The following YIPF6 variants were observed in gnomAD, a reference collection of about 807,000 sequenced individuals.
YIPF6 encodes the protein Yip1 domain family member 6, also known as protein YIPF6.
YIPF6 carries 3 observed loss-of-function variants against 16.8 expected under a neutral mutation model. The ratio of observed to expected loss-of-function variants is 0.18; its 90% CI spans 0.08 to 0.46. The LOEUF is 0.46. Ranked by LOEUF, YIPF6 falls within the 20% of genes least tolerant of loss-of-function variation. The probability of loss-of-function intolerance (pLI) is 0.98; values close to 1 mark genes in which losing one functional copy is unlikely to be tolerated. For missense variants in YIPF6, 145 were observed against 184.9 expected (o/e 0.78, Z 1.25); for synonymous variants, 67 against 61.9 (o/e 1.08, Z -0.38).
At chrX:68,520,654 A>G (rs1191386936) in intron 4 of YIPF6, among the ~76,000 whole-genome samples, 1 of 110,958 alleles carries the variant, frequency 9.0e-6, no homozygotes, top group African/African-American at 3.3e-5. Flanking sequence ...TATTTTTTGT[A>G]GAGACGGGGG....
chrX:68,514,997 A>T (rs1201772200), intron 3 of YIPF6: 2 of 111,232 alleles, frequency 1.8e-5, no homozygotes, highest in African/African-American at 6.5e-5. Context: ...TTTTGTAGAG[A>T]TGGGGGTCTC....
intron 1 of YIPF6, among the ~76,000 whole-genome samples, chrX:68,508,067 G>T (rs1171585528): frequency 1.9e-5 from 2 of 107,378 alleles, no homozygotes; most frequent in African/African-American, 6.7e-5. Context: ...CTCTTGGCTT[G>T]TATCTGTCAT....
intron 1 of YIPF6, among the ~76,000 whole-genome samples, chrX:68,501,106 CA>C (rs1025367787): frequency 8.9e-6 from 1 of 112,117 alleles, no homozygotes; most frequent in African/African-American, 3.2e-5. Context: ...TGAACTCCCA[CA>C]ATGAGTAATG....
intron 1 of YIPF6, chrX:68,510,863 C>T (rs1214185547): frequency 8.9e-6 from 1 of 112,403 alleles, no homozygotes; most frequent in African/African-American, 3.2e-5. Context: ...AAACTCCCGA[C>T]CTCAGGTGAT....
intron 6 of YIPF6, among the ~76,000 whole-genome samples, chrX:68,523,995 C>T (rs752572821): frequency 2.1e-4 from 24 of 112,010 alleles, no homozygotes; most frequent in Non-Finnish European, 9.4e-5. Flanking sequence ...ACAAACTATG[C>T]GTCAGGCATA....
intron 6 of YIPF6, among the ~76,000 whole-genome samples, chrX:68,524,441 T>A (rs1178007188): frequency 1.8e-5 from 2 of 110,309 alleles, no homozygotes; most frequent in Non-Finnish European, 3.8e-5. Context: ...AGTGCTGGGA[T>A]TACAGACATG....
intron 6 of YIPF6, among the ~76,000 whole-genome samples, chrX:68,530,998 C>T (rs1040166779): frequency 9.0e-6 from 1 of 111,100 alleles, no homozygotes; most frequent in Non-Finnish European, 1.9e-5. Context: ...ATGGTGCAAC[C>T]GTAACATATT....
chrX:68,512,716 T>C lies in YIPF6; in HGVS notation c.187-611T>C, dbSNP rs1474350848. The stretch of plus-strand genomic sequence containing the variant: ...CTAAGCAACTATTATAAATTATGTT[T>C]ACAAAGTGTTTAATAACGGGTAAAA... On this transcript the variant is annotated intron_variant, in intron 2 of 6. Transcript: ENST00000462683. Among the ~76,000 whole-genome samples the C allele has an allele frequency of 8.1e-5, 9 of 111,565 alleles. No individual in the cohort carries two copies. In the East Asian group the frequency reaches 2.5e-3, roughly 31 times the overall value.
rs1381676643 is a variant in YIPF6 at position 68,518,932 on chromosome X, C to A, written c.308+120C>A. 3 of 652,057 alleles carry A rather than the reference C, an allele frequency of 4.6e-6. No homozygotes were observed. The East Asian group carries it at 1.1e-4, about 25-fold the overall frequency. The allele number at this position is 652,057 out of a possible 1,213,427, so 53.7% of individuals were successfully genotyped here. The stretch of plus-strand genomic sequence containing the variant: ...TTTAGGACTTATATGACATGTTGTA[C>A]ATGTTATACTCCTTAGGTATTTAAG... On this transcript the variant is annotated intron_variant, in intron 4 of 6. Transcript: ENST00000462683.
intron 1 of YIPF6, among the ~76,000 whole-genome samples, chrX:68,508,662 A>C (rs765366595): frequency 2.7e-5 from 3 of 112,238 alleles, no homozygotes; most frequent in Non-Finnish European, 5.6e-5. Flanking sequence ...TAGCATTGCC[A>C]TCTGATTCTT....
intron 3 of YIPF6, among the ~76,000 whole-genome samples, chrX:68,517,774 C>T (rs1288816682): frequency 1.9e-5 from 2 of 106,032 alleles, no homozygotes; most frequent in East Asian, 6.2e-4. Flanking sequence ...TTGAGACCAG[C>T]CTGGGCAACA....
chrX:68,536,661 A>C lies in YIPF6; in HGVS notation c.*4662A>C, dbSNP rs1482021132. On this transcript the variant is annotated 3_prime_UTR_variant, in exon 7 of 7. Coordinates refer to ENST00000462683, the MANE Select transcript of YIPF6 (RefSeq NM_173834.4). ...CCCTAGAACTGACTGGATGTAGATA[A>C]CATTTGTTTTCAGAGTAATGGAACA... The C allele has an allele frequency of 8.9e-6, 1 of 111,783 alleles. No individual in the cohort carries two copies. Among genetic ancestry groups the C allele is most frequent in the East Asian group, 2.8e-4 (1 of 3,548 alleles). The allele number at this position is 111,783 out of a possible 1,213,427, so 9.2% of individuals were successfully genotyped here.
At chrX:68,531,666 A>G (rs2079171879) in intron 6 of YIPF6, among the ~76,000 whole-genome samples, 1 of 111,964 alleles carries the variant, frequency 8.9e-6, no homozygotes, top group Non-Finnish European at 1.9e-5. Flanking sequence ...TCCATCCAAA[A>G]TGGTTTAGTA....
At chrX:68,504,007 C>T (rs903724660) in intron 1 of YIPF6, among the ~76,000 whole-genome samples, 7 of 112,479 alleles carry the variant, frequency 6.2e-5, no homozygotes, top group East Asian at 2.8e-4. Context: ...GCGTGAGCCA[C>T]GGCACCTGGC....
rs2079186504 is a variant in YIPF6 at position 68,535,101 on chromosome X, A to AAAGTCTTTTGCCTCTG, written c.*3106_*3121dup. 1 of 112,594 alleles carries AAAGTCTTTTGCCTCTG rather than the reference A, an allele frequency of 8.9e-6. No individual in the cohort carries two copies. Among genetic ancestry groups the AAAGTCTTTTGCCTCTG allele is most frequent in the African/African-American group, 3.2e-5 (1 of 31,003 alleles). The allele number at this position is 112,594 out of a possible 1,213,427, so 9.3% of individuals were successfully genotyped here. On this transcript the variant is annotated 3_prime_UTR_variant, in exon 7 of 7. Transcript: ENST00000462683. The stretch of plus-strand genomic sequence containing the variant: ...GTTAATCATTAAGTCTTTTGCCTCT[A>AAAGTCTTTTGCCTCTG]AAGTCTTTTGCCTCTGAAGAGGTTT...
intron 1 of YIPF6, among the ~76,000 whole-genome samples, chrX:68,504,420 C>T (rs1261774540): frequency 9.0e-6 from 1 of 111,436 alleles, no homozygotes; most frequent in Non-Finnish European, 1.9e-5. Flanking sequence ...GTCATATGTG[C>T]GGTGTTTCTG....
In YIPF6 at chrX:68,534,396, G is replaced by A. The variant is rs753378176; in HGVS notation, c.*2397G>A. ...TATACATGATGTTAACATCATTCTC[G>A]AACAGTTGTTGGCCGAAGATTCATT... is the stretch of plus-strand genomic sequence containing the variant. On this transcript the variant is annotated 3_prime_UTR_variant, in exon 7 of 7. Transcript: ENST00000462683. 2 of 110,871 alleles carry A rather than the reference G, an allele frequency of 1.8e-5. No homozygotes were observed. Among genetic ancestry groups the A allele is most frequent in the Non-Finnish European group, 3.8e-5 (2 of 52,950 alleles). 9.1% of individuals were successfully genotyped at this position (110,871 alleles called of 1,213,427 possible).
At chrX:68,528,837 C>G (rs1055790960) in intron 6 of YIPF6, among the ~76,000 whole-genome samples, 3 of 111,641 alleles carry the variant, frequency 2.7e-5, no homozygotes, top group Non-Finnish European at 5.6e-5. Flanking sequence ...GGGTTTCTGC[C>G]GAGAGATCAG....
chrX:68,518,921 G>C, intron 4 of YIPF6, 109 bp downstream of exon 4: 1 of 771,581 alleles, frequency 1.3e-6, no homozygotes, highest in Non-Finnish European at 1.8e-6. Flanking sequence ...GGACTTATAT[G>C]ACATGTTGTA....
Sources: gnomAD v4.1 joint callset for allele counts (sites outside exome capture counted in the v4.1 genomes callset) on GRCh38, gnomAD v4.1.1 for gene constraint, MANE v1.5 for transcripts, NCBI Gene and HGNC (gene_info 2026-07-23, HGNC 2026-07-21) for gene names.